The following CD300LG variants were observed in gnomAD, a reference collection of about 807,000 sequenced individuals.
CD300LG encodes the protein CD300 molecule like family member g.
Under a neutral mutation model 31.5 loss-of-function variants are expected in CD300LG, and 29 were observed. The observed-to-expected ratio is 0.92, with a 90% CI of 0.68 to 1.25. The LOEUF (loss-of-function observed/expected upper bound fraction) is 1.25, where lower values mean the gene tolerates loss of function less well. CD300LG is among the 50% of genes most tolerant of loss of function. CD300LG has a pLI of 0.00. For synonymous variants in CD300LG, 175 were observed against 177.2 expected, an observed-to-expected ratio of 0.99 and a Z score of 0.10; for missense variants, 396 against 417.6, an observed-to-expected ratio of 0.95 and a Z score of 0.45.
intron 1 of CD300LG, 72 bp from the exon 2 acceptor site, chr17:43,848,474 CTTCCTCCTAAAA>C: frequency 8.9e-7 from 1 of 1,128,396 alleles, no homozygotes; most frequent in Non-Finnish European, 1.3e-6. Flanking sequence ...AGCCTTCCTT[CTTCCTCCTAAAA>C]TGGAAGCTCT....
intron 2 of CD300LG, 67 bp downstream of exon 2, chr17:43,848,960 G>A (rs2046269666): frequency 1.4e-6 from 2 of 1,392,296 alleles, no homozygotes. Flanking sequence ...AGGGGTGGTG[G>A]GGCATAATCC....
At chr17:43,855,573 A>G in intron 5 of CD300LG, 1 of 337,920 alleles carries the variant, frequency 3.0e-6, no homozygotes, top group Non-Finnish European at 5.4e-6. Context: ...CTGATCAAGC[A>G]CTTCTCTACC....
Position 43,863,531 on chromosome 17 carries a change from G to A in CD300LG, c.*1620G>A, listed in dbSNP as rs1423758640. On this transcript the variant is annotated 3_prime_UTR_variant, in exon 7 of 7. Transcript: ENST00000317310. ...GCAATTATCTTGTATATACAACTTT[G>A]TATCCTGCCTTTTCCACCTTATCGT... 1 of 152,026 alleles carries A rather than the reference G, an allele frequency of 6.6e-6. No individual in the cohort carries two copies. Among genetic ancestry groups the A allele is most frequent in the Non-Finnish European group, 1.5e-5 (1 of 67,998 alleles). 9.4% of individuals were successfully genotyped at this position (152,026 alleles called of 1,614,324 possible). A position where few individuals can be genotyped will look rare whatever the true frequency, so the allele number is the denominator to read the frequency against.
intron 2 of CD300LG, among the ~76,000 whole-genome samples, chr17:43,851,328 A>ATC (rs548719629): frequency 1.4e-4 from 21 of 152,306 alleles, no homozygotes; most frequent in Admixed American, 3.3e-4. Context: ...GTGTGCCAGC[A>ATC]TCACACACAC....
chr17:43,855,325 C>T lies in CD300LG; in HGVS notation c.832+6C>T. 1 of 1,532,868 alleles carries T rather than the reference C, an allele frequency of 6.5e-7. No homozygotes were observed. Among genetic ancestry groups the T allele is most frequent in the South Asian group, 1.2e-5 (1 of 81,818 alleles). The allele number at this position is 1,532,868 out of a possible 1,614,324, so 95.0% of individuals were successfully genotyped here. On this transcript the variant is annotated splice_donor_region_variant and intron_variant, in intron 5 of 6. Coordinates refer to ENST00000317310, the MANE Select transcript of CD300LG (RefSeq NM_145273.4). ...GCTCCTGTGGAGAAAGGAAGGTGAGCAAAGGTGGGCGGCAGGAAGGCGGGA... is the reference window on the plus strand; with the variant it reads ...GCTCCTGTGGAGAAAGGAAGGTGAGTAAAGGTGGGCGGCAGGAAGGCGGGA...
chr17:43,861,587 G>A (rs978999508), intron 6 of CD300LG, among the ~76,000 whole-genome samples: 4 of 152,182 alleles, frequency 2.6e-5, no homozygotes, highest in Admixed American at 6.5e-5. Context: ...AGGGCACCCC[G>A]GGGGAGGGAT....
chr17:43,861,623 A>T (rs371401146), intron 6 of CD300LG, among the ~76,000 whole-genome samples, 175 bp from the exon 7 acceptor site: 161 of 152,288 alleles, frequency 1.1e-3, no homozygotes, highest in African/African-American at 3.7e-3. Context: ...GAGGCCATGA[A>T]TCAAAGCCTG....
chr17:43,857,692 C>T, intron 6 of CD300LG: 1 of 1,318,468 alleles, frequency 7.6e-7, no homozygotes, highest in Non-Finnish European at 1.1e-6. Flanking sequence ...GACTGAGGCC[C>T]AGAGAGGGTA....
chr17:43,850,985 A>T (rs533899381), intron 2 of CD300LG, among the ~76,000 whole-genome samples: 1 of 152,084 alleles, frequency 6.6e-6, no homozygotes, highest in Non-Finnish European at 1.5e-5. Context: ...AAATATAAAA[A>T]TTAGCCGGGC....
chr17:43,856,298 G>A (rs1341176622), intron 5 of CD300LG, among the ~76,000 whole-genome samples: 4 of 152,064 alleles, frequency 2.6e-5, no homozygotes, highest in South Asian at 2.1e-4. Flanking sequence ...TGCAGCTCCC[G>A]GCTCCCGTGC....
At chr17:43,847,325 C>T in intron 1 of CD300LG, 66 bp downstream of exon 1, 1 of 1,559,888 alleles carries the variant, frequency 6.4e-7, no homozygotes, top group Non-Finnish European at 8.8e-7. Flanking sequence ...GGGAAAGGAC[C>T]TCTTGACTGA....
chr17:43,861,692 T>C, intron 6 of CD300LG, 106 bp from the exon 7 acceptor site: 1 of 650,580 alleles, frequency 1.5e-6, no homozygotes, highest in Non-Finnish European at 2.5e-6. Context: ...GGCTGGAACT[T>C]GTGGAAAAGG....
intron 6 of CD300LG, chr17:43,858,621 G>A: frequency 1.0e-6 from 1 of 985,428 alleles, no homozygotes; most frequent in Non-Finnish European, 1.2e-6. Flanking sequence ...CTCCCAAGAG[G>A]GTCAGAGGCA....
At chr17:43,856,193 T>A (rs2046515459) in intron 5 of CD300LG, among the ~76,000 whole-genome samples, 1 of 152,220 alleles carries the variant, frequency 6.6e-6, no homozygotes, top group Non-Finnish European at 1.5e-5. Context: ...TATGAAAATA[T>A]CAATGATACA....
At chr17:43,860,295 T>C (rs2046625371) in intron 6 of CD300LG, among the ~76,000 whole-genome samples, 2 of 152,258 alleles carry the variant, frequency 1.3e-5, no homozygotes, top group African/African-American at 4.8e-5. Context: ...ATCACCTCTC[T>C]GAGCCCCTGT....
At chr17:43,854,181 G>A in intron 4 of CD300LG, 137 bp downstream of exon 4, 1 of 676,276 alleles carries the variant, frequency 1.5e-6, no homozygotes, top group Non-Finnish European at 2.5e-6. Context: ...AGCACAGAGA[G>A]TCCCTCACAG....
intron 6 of CD300LG, chr17:43,857,526 C>T (rs1353834600): frequency 3.4e-6 from 5 of 1,492,356 alleles, no homozygotes; most frequent in Non-Finnish European, 4.5e-6. Context: ...TGACTTTTCT[C>T]TCAGTTTGAA....
intron 2 of CD300LG, among the ~76,000 whole-genome samples, chr17:43,851,821 A>ATAGGCATCTTGCCTT (rs1355516296): frequency 1.3e-5 from 2 of 151,638 alleles, no homozygotes; most frequent in African/African-American, 2.4e-5. Flanking sequence ...TCCCAAGAGG[A>ATAGGCATCTTGCCTT]TAGGCATCTT....
At chr17:43,854,259 G>A (rs1021465269) in intron 4 of CD300LG, among the ~76,000 whole-genome samples, 15 of 152,204 alleles carry the variant, frequency 9.9e-5, no homozygotes, top group African/African-American at 3.6e-4. Flanking sequence ...CAGTGTGAAG[G>A]GTCCACCAGG....
Sources: allele counts gnomAD v4.1 joint callset (sites outside exome capture counted in the v4.1 genomes callset), GRCh38; gene constraint gnomAD v4.1.1; transcripts MANE v1.5; gene names NCBI Gene and HGNC (gene_info 2026-07-23, HGNC 2026-07-21).